NTN1: variants seen among roughly 807,000 people sequenced by gnomAD.
NTN1 encodes netrin 1.
NTN1 carries 11 observed loss-of-function variants against 54.2 expected under a neutral mutation model. The observed-to-expected ratio is 0.20, with a 90% CI of 0.13 to 0.34. NTN1 has a LOEUF of 0.34. Ranked by LOEUF, NTN1 falls within the 10% of genes least tolerant of loss-of-function variation. NTN1 has a pLI of 1.00. For missense variants in NTN1, 740 were observed against 893.1 expected (o/e 0.83, Z 2.18); for synonymous variants, 371 against 382.0 (o/e 0.97, Z 0.33).
Position 9,022,507 on chromosome 17 carries a change from A to T in NTN1, c.134A>T (p.Asn45Ile). 1 of 1,545,766 alleles carries T rather than the reference A, an allele frequency of 6.5e-7. No homozygotes were observed. The highest frequency in any genetic ancestry group is 8.7e-7 in the Non-Finnish European group (1 of 1,149,398). Residue 45 changes from asparagine to isoleucine, a missense_variant, in exon 2 of 7, where the codon AAC becomes ATC. Coordinates refer to ENST00000173229, the MANE Select transcript of NTN1 (RefSeq NM_004822.3). ...AAQPDPCSDENGHPRRCIPDF... is the reference protein window; with the variant it reads ...AAQPDPCSDEIGHPRRCIPDF... ...CAGCCCGATCCCTGCTCGGACGAGA[A>T]CGGCCACCCGCGCCGCTGCATCCCG...
the NTN1 span, among the ~76,000 whole-genome samples, chr17:9,008,719 G>A: frequency 6.6e-6 from 1 of 152,186 alleles, no homozygotes; most frequent in Non-Finnish European, 1.5e-5. Flanking sequence ...ATCCATGGAA[G>A]GAAGAGAGGG....
chr17:9,189,618 G>A (rs2142326241), intron 5 of NTN1, among the ~76,000 whole-genome samples: 1 of 152,176 alleles, frequency 6.6e-6, no homozygotes, highest in East Asian at 1.9e-4. Context: ...TCAAAGTGCT[G>A]GGATTACAGG....
In NTN1 at chr17:9,212,693, G is replaced by GC. The variant is rs1476148782; in HGVS notation, c.1412-8472dup. Among the ~76,000 whole-genome samples, 1 of 152,188 alleles carries GC rather than the reference G, an allele frequency of 6.6e-6. No individual in the cohort carries two copies. On this transcript the variant is annotated intron_variant, in intron 5 of 6. Transcript: ENST00000173229. This position sits in a 1 kb window ranked among gnomAD's most constrained non-coding sequence, Gnocchi z 5.5. ...TTACCCAACCCTTCCAGGTTTCTCT[G>GC]CCCGGGGAGGACAGACCATGTTGGC...
At chr17:9,133,754 ATTTT>A (rs57053201) in intron 2 of NTN1, among the ~76,000 whole-genome samples, 2 of 104,558 alleles carry the variant, frequency 1.9e-5, no homozygotes, top group African/African-American at 4.1e-5. Flanking sequence ...TGCCCAGCTA[ATTTT>A]TTTTTTTTTT....
At chr17:9,028,850 C>T (rs1268454197) in intron 2 of NTN1, among the ~76,000 whole-genome samples, 1 of 152,128 alleles carries the variant, frequency 6.6e-6, no homozygotes, top group African/African-American at 2.4e-5. Context: ...ACTGCCTTTA[C>T]CAAAATAAAT....
chr17:9,029,426 G>T (rs909453403), intron 2 of NTN1, among the ~76,000 whole-genome samples: 3 of 152,132 alleles, frequency 2.0e-5, no homozygotes, highest in African/African-American at 7.2e-5. Context: ...AGAGCAGGGG[G>T]TATCAGGAGC....
chr17:9,127,898 C>T (rs886677667), intron 2 of NTN1, among the ~76,000 whole-genome samples: 1 of 151,962 alleles, frequency 6.6e-6, no homozygotes, highest in Non-Finnish European at 1.5e-5. Context: ...GGGTGGATCA[C>T]CTGAGGTCGG....
At chr17:9,026,393 G>GGT (rs1321204221) in intron 2 of NTN1, among the ~76,000 whole-genome samples, 4 of 149,826 alleles carry the variant, frequency 2.7e-5, no homozygotes, top group South Asian at 2.1e-4. Flanking sequence ...ATTTCTTCCG[G>GGT]GGGGGGGGAA....
chr17:9,089,052 T>C (rs1249482085), intron 2 of NTN1, among the ~76,000 whole-genome samples: 1 of 151,860 alleles, frequency 6.6e-6, no homozygotes. Context: ...GGGTACAGAG[T>C]CTCCTGTGTT....
chr17:9,059,292 G>A (rs1035756213), intron 2 of NTN1, among the ~76,000 whole-genome samples: 1 of 152,162 alleles, frequency 6.6e-6, no homozygotes, highest in Non-Finnish European at 1.5e-5. Context: ...ACCCAGCAAT[G>A]CCTCTCCTAG....
chr17:9,044,927 A>G lies in NTN1; in HGVS notation c.1018+21536A>G, dbSNP rs144482765. Reference sequence around the variant, plus strand: ...GAATTCAGAGCAGAGTACATTATACACAAAGCTAGGTTAATTTGTACAGAT... The same window carrying G: ...GAATTCAGAGCAGAGTACATTATACGCAAAGCTAGGTTAATTTGTACAGAT... On this transcript the variant is annotated intron_variant, in intron 2 of 6. Transcript: ENST00000173229. 1.8e-3 allele frequency among the ~76,000 whole-genome samples: 271 copies of G among 152,342 alleles called. 1 individual carries two copies. The highest frequency in any genetic ancestry group is 3.1e-3 in the Admixed American group (48 of 15,308).
intron 2 of NTN1, among the ~76,000 whole-genome samples, chr17:9,062,707 G>C (rs72809968): frequency 0.12 from 17,727 of 152,166 alleles, 1,347 homozygotes; most frequent in Non-Finnish European, 0.16. Context: ...TACCCAAGAA[G>C]TCACCCAGCT....
upstream of NTN1, among the ~76,000 whole-genome samples, chr17:9,020,444 C>T (rs189474032): frequency 2.0e-4 from 30 of 152,340 alleles, no homozygotes; most frequent in East Asian, 2.7e-3. Context: ...TGGGTGGCCC[C>T]GCAGATGCCC....
chr17:9,184,081 G>A (rs548507134), intron 5 of NTN1, among the ~76,000 whole-genome samples: 1 of 152,304 alleles, frequency 6.6e-6, no homozygotes, highest in East Asian at 1.9e-4. Flanking sequence ...AACCCATGTG[G>A]CCCCCTGAAT....
At position 9,058,728 on chromosome 17, in the gene NTN1, G is replaced by T. The variant is rs528289413; in HGVS notation, c.1018+35337G>T. 3.3e-5 allele frequency among the ~76,000 whole-genome samples: 5 copies of T among 150,670 alleles called. No individual in the cohort carries two copies. The East Asian group carries it at 9.8e-4, about 29-fold the overall frequency. On this transcript the variant is annotated intron_variant, in intron 2 of 6. Transcript: ENST00000173229. The stretch of plus-strand genomic sequence containing the variant: ...GGAAAACAGCAGTAGATTCTTAGAA[G>T]CTAGATATTTTCCATCATGAATTCT...
chr17:9,080,773 C>T (rs2142223961), intron 2 of NTN1, among the ~76,000 whole-genome samples: 1 of 152,280 alleles, frequency 6.6e-6, no homozygotes, highest in East Asian at 1.9e-4. Context: ...TCAGTCATGC[C>T]TGTGTAATGA....
At chr17:9,007,288 CT>C in the NTN1 span, among the ~76,000 whole-genome samples, 1 of 136,238 alleles carries the variant, frequency 7.3e-6, no homozygotes, top group African/African-American at 2.8e-5. Context: ...TCATCCCTTC[CT>C]TCCTTCTTTC....
Position 9,239,735 on chromosome 17 carries a change from A to T in NTN1, c.1582A>T (p.Ile528Phe). 1 of 1,613,692 alleles carries T rather than the reference A, an allele frequency of 6.2e-7. No individual in the cohort carries two copies. Among genetic ancestry groups the T allele is most frequent in the Non-Finnish European group, 8.5e-7 (1 of 1,180,016 alleles). Residue 528 changes from isoleucine to phenylalanine, a missense_variant, in exon 7 of 7, where the codon ATC (isoleucine) becomes TTC (phenylalanine). Ile to Phe is a conservative substitution (Grantham distance 21). Coordinates refer to ENST00000173229, the MANE Select transcript of NTN1 (RefSeq NM_004822.3). This position sits in a 1 kb window ranked among gnomAD's most constrained non-coding sequence, Gnocchi z 5.2. Reference protein sequence around the residue: ...ISVYKQGTSRIRRGDQSLWIR... With the variant: ...ISVYKQGTSRFRRGDQSLWIR... Reference sequence around the variant, plus strand: ...CGTGTATAAGCAGGGCACGAGCCGCATCCGCCGCGGTGACCAGAGCCTGTG... The same window carrying T: ...CGTGTATAAGCAGGGCACGAGCCGCTTCCGCCGCGGTGACCAGAGCCTGTG...
At chr17:9,178,498 C>G (rs774485761) in intron 3 of NTN1, among the ~76,000 whole-genome samples, 1 of 152,242 alleles carries the variant, frequency 6.6e-6, no homozygotes, top group East Asian at 1.9e-4. Flanking sequence ...CTCCTGGGCC[C>G]GAGGCCGGCT....
Sources: allele counts gnomAD v4.1 joint callset (sites outside exome capture counted in the v4.1 genomes callset), GRCh38; gene constraint gnomAD v4.1.1; non-coding constraint Gnocchi (gnomAD v3.1); transcripts MANE v1.5; gene names NCBI Gene and HGNC (gene_info 2026-07-23, HGNC 2026-07-21).